CLYBL: variants seen among roughly 807,000 people sequenced by gnomAD.
The protein encoded by CLYBL is citramalyl-CoA lyase, mitochondrial.
CLYBL carries 31 observed loss-of-function variants against 38.9 expected under a neutral mutation model. The ratio of observed to expected loss-of-function variants is 0.80; its 90% CI spans 0.60 to 1.08. The LOEUF is 1.08. CLYBL is among the 50% of genes least tolerant of loss of function. The pLI is 0.00. For missense variants in CLYBL, 434 were observed against 411.6 expected, an observed-to-expected ratio of 1.05 and a Z score of -0.47; for synonymous variants, 171 against 158.6, an observed-to-expected ratio of 1.08 and a Z score of -0.59.
At chr13:99,793,840 G>C (rs1594186945) in intron 2 of CLYBL, among the ~76,000 whole-genome samples, 1 of 151,048 alleles carries the variant, frequency 6.6e-6, no homozygotes, top group Admixed American at 6.6e-5. Context: ...GAAAGCCCGG[G>C]CCTAGGCAAT....
intron 2 of CLYBL, among the ~76,000 whole-genome samples, chr13:99,833,454 T>C (rs1032988021): frequency 3.9e-5 from 6 of 152,070 alleles, no homozygotes; most frequent in African/African-American, 1.4e-4. Context: ...AGCTACATAA[T>C]GGTGTGGAAA....
intron 1 of CLYBL, among the ~76,000 whole-genome samples, chr13:99,686,889 C>T (rs2047826031): frequency 6.6e-6 from 1 of 152,156 alleles, no homozygotes; most frequent in South Asian, 2.1e-4. Context: ...GGGAGGATAT[C>T]AAGGCACAAA....
intron 2 of CLYBL, among the ~76,000 whole-genome samples, chr13:99,843,177 C>T (rs999773083): frequency 6.6e-6 from 1 of 152,124 alleles, no homozygotes; most frequent in Non-Finnish European, 1.5e-5. Flanking sequence ...CCTTTGGAGC[C>T]TCAGTGAGCA....
At chr13:99,713,067 G>A (rs1018166916) in intron 1 of CLYBL, among the ~76,000 whole-genome samples, 1 of 152,132 alleles carries the variant, frequency 6.6e-6, no homozygotes, top group Non-Finnish European at 1.5e-5. Context: ...TAAAGGCATT[G>A]CTCCCTTTTT....
At position 99,809,470 on chromosome 13, in the gene CLYBL, A is replaced by G. The variant is rs117944394; in HGVS notation, c.249+36460A>G. Among the ~76,000 whole-genome samples, 28 of 152,324 alleles carry G rather than the reference A, an allele frequency of 1.8e-4. No homozygotes were observed. In the East Asian group the frequency reaches 3.9e-3, roughly 21 times the overall value. ...ATCAAGATTTCAAGCTTGGTAATAA[A>G]TGAAGAGAGGGTTCCCAAAGTGTCT... On this transcript the variant is annotated intron_variant, in intron 2 of 8. Coordinates refer to ENST00000339105, the MANE Select transcript of CLYBL (RefSeq NM_206808.5).
chr13:99,755,017 A>T (rs1433684224), intron 1 of CLYBL, among the ~76,000 whole-genome samples: 1 of 144,054 alleles, frequency 6.9e-6, no homozygotes, highest in African/African-American at 2.6e-5. Flanking sequence ...CCTGCTTCAA[A>T]CCCCCGGGTA....
chr13:99,828,241 C>G (rs1446068981), intron 2 of CLYBL, among the ~76,000 whole-genome samples: 3 of 152,196 alleles, frequency 2.0e-5, no homozygotes, highest in Admixed American at 1.3e-4. Context: ...TCAGCTAAGT[C>G]AGACGGGTGC....
At chr13:99,685,581 ACTC>A (rs1317238697) in intron 1 of CLYBL, among the ~76,000 whole-genome samples, 1 of 152,018 alleles carries the variant, frequency 6.6e-6, no homozygotes. Context: ...GCAAAACTTC[ACTC>A]CTTTAGATGG....
At chr13:99,742,092 C>T (rs1377520036) in intron 1 of CLYBL, among the ~76,000 whole-genome samples, 3 of 152,180 alleles carry the variant, frequency 2.0e-5, no homozygotes, top group Admixed American at 6.5e-5. Flanking sequence ...CATGTTCACA[C>T]GTGCTAGTTT....
intron 1 of CLYBL, among the ~76,000 whole-genome samples, chr13:99,654,306 T>G (rs1160809508): frequency 6.6e-6 from 1 of 152,122 alleles, no homozygotes; most frequent in Non-Finnish European, 1.5e-5. Context: ...ACCTGAGGGG[T>G]AGCTGAGGCT....
intron 1 of CLYBL, among the ~76,000 whole-genome samples, chr13:99,755,091 G>A (rs945024849): frequency 6.6e-6 from 1 of 151,860 alleles, no homozygotes; most frequent in African/African-American, 2.4e-5. Context: ...TAGAGACAGG[G>A]TTTCACCATG....
chr13:99,754,747 G>A (rs1411900249), intron 1 of CLYBL, among the ~76,000 whole-genome samples: 1 of 89,908 alleles, frequency 1.1e-5, no homozygotes, highest in African/African-American at 3.8e-5. Context: ...ACCATGCCCA[G>A]CTTTTTTTTT....
intron 1 of CLYBL, among the ~76,000 whole-genome samples, chr13:99,622,903 C>T (rs1357292925): frequency 1.3e-5 from 2 of 152,178 alleles, no homozygotes; most frequent in Admixed American, 6.5e-5. Context: ...ATGATCATAG[C>T]TCACTGTAGC....
At chr13:99,876,412 C>T (rs1594239685) in intron 7 of CLYBL, among the ~76,000 whole-genome samples, 1 of 116,688 alleles carries the variant, frequency 8.6e-6, no homozygotes, top group Admixed American at 9.4e-5. Context: ...CAGAACAAGA[C>T]TCCGTCTCAA....
intron 2 of CLYBL, among the ~76,000 whole-genome samples, chr13:99,811,915 G>C (rs2050350040): frequency 6.6e-6 from 1 of 152,166 alleles, no homozygotes; most frequent in South Asian, 2.1e-4. Context: ...TATTGATAAA[G>C]CAATACCAGC....
chr13:99,660,297 A>G (rs1160595514), intron 1 of CLYBL, among the ~76,000 whole-genome samples: 4 of 152,226 alleles, frequency 2.6e-5, no homozygotes, highest in Non-Finnish European at 4.4e-5. Flanking sequence ...AAGGCAATTG[A>G]ACAGTGGTAG....
At chr13:99,677,359 G>A (rs969965645) in intron 1 of CLYBL, among the ~76,000 whole-genome samples, 1 of 151,948 alleles carries the variant, frequency 6.6e-6, no homozygotes, top group African/African-American at 2.4e-5. Context: ...TGTAATTGCC[G>A]ATCACTCCTT....
At chr13:99,699,641 C>T (rs1424960146) in intron 1 of CLYBL, among the ~76,000 whole-genome samples, 3 of 150,800 alleles carry the variant, frequency 2.0e-5, no homozygotes, top group Admixed American at 6.6e-5. Flanking sequence ...TGCAGTGAGC[C>T]GAGATCGCGC....
chr13:99,632,588 A>C (rs564001806), intron 1 of CLYBL, among the ~76,000 whole-genome samples: 160 of 152,030 alleles, frequency 1.1e-3, no homozygotes, highest in Non-Finnish European at 1.7e-3. Flanking sequence ...CTAAATATAC[A>C]AAAAAAATTA....
Sources: allele counts gnomAD v4.1 joint callset (sites outside exome capture counted in the v4.1 genomes callset), GRCh38; gene constraint gnomAD v4.1.1; transcripts MANE v1.5; gene names NCBI Gene and HGNC (gene_info 2026-07-23, HGNC 2026-07-21).